Variants in AMBRA1 observed in about 807,000 individuals in gnomAD.
AMBRA1 encodes activating molecule in BECN1-regulated autophagy protein 1.
A neutral mutation model predicts 125.4 loss-of-function variants in AMBRA1; 47 were observed. The ratio of observed to expected loss-of-function variants is 0.37; its 90% CI spans 0.30 to 0.48. AMBRA1 has a LOEUF of 0.48. Among genes scored for constraint, AMBRA1 ranks in the 20% least tolerant of loss-of-function variants. The pLI, the probability that AMBRA1 is intolerant of heterozygous loss-of-function variation, is 0.99. For missense variants in AMBRA1, 1,331 were observed against 1,693.4 expected (o/e 0.79, Z 3.76); for synonymous variants, 626 against 655.5 (o/e 0.95, Z 0.69).
chr11:46,407,598 T>C (rs1946087553), intron 17 of AMBRA1, among the ~76,000 whole-genome samples: 1 of 152,232 alleles, frequency 6.6e-6, no homozygotes, highest in African/African-American at 2.4e-5. Context: ...TGGGCTGTGC[T>C]ACAGACCAAA....
intron 8 of AMBRA1, among the ~76,000 whole-genome samples, chr11:46,510,237 A>C (rs763274375): frequency 2.0e-5 from 3 of 152,240 alleles, no homozygotes; most frequent in Non-Finnish European, 4.4e-5. Flanking sequence ...AGAGTACAAG[A>C]GCTAGTTCCT....
intron 14 of AMBRA1, among the ~76,000 whole-genome samples, chr11:46,427,293 A>G (rs1947188213): frequency 6.6e-6 from 1 of 152,224 alleles, no homozygotes; most frequent in Non-Finnish European, 1.5e-5. Context: ...AGTTTTTTCT[A>G]TGGTTCATTT....
intron 1 of AMBRA1, among the ~76,000 whole-genome samples, chr11:46,556,659 G>C (rs1371486654): frequency 6.6e-6 from 1 of 152,084 alleles, no homozygotes; most frequent in Non-Finnish European, 1.5e-5. Flanking sequence ...CCTGGTATAT[G>C]ATGGTATCTT....
At chr11:46,529,581 T>A (rs921193544) in intron 7 of AMBRA1, among the ~76,000 whole-genome samples, 8 of 152,164 alleles carry the variant, frequency 5.3e-5, no homozygotes, top group Non-Finnish European at 1.0e-4. Context: ...GTACACAAAA[T>A]TGGATTTAAG....
chr11:46,483,186 A>G (rs943257256), intron 11 of AMBRA1, among the ~76,000 whole-genome samples: 3 of 152,136 alleles, frequency 2.0e-5, no homozygotes, highest in African/African-American at 4.8e-5. Context: ...CAATAGCCCT[A>G]TAACATGAGA....
At chr11:46,512,337 T>C (rs574101371) in intron 8 of AMBRA1, among the ~76,000 whole-genome samples, 86 of 152,330 alleles carry the variant, frequency 5.6e-4, no homozygotes, top group African/African-American at 1.9e-3. Flanking sequence ...GCAAATTGGG[T>C]TTTTTGTTTA....
Position 46,430,598 on chromosome 11 carries a change from C to T in AMBRA1, c.2976+2876G>A, listed in dbSNP as rs78800354. Among the ~76,000 whole-genome samples, 867 of 152,320 alleles carry T rather than the reference C, an allele frequency of 5.7e-3. 3 individuals carry two copies. The highest frequency in any genetic ancestry group is 0.01 in the Admixed American group (154 of 15,300). On this transcript the variant is annotated intron_variant, in intron 14 of 17. Transcript: ENST00000683756. ...TCAAGGCTAATAGCAATTAGCAATT[C>T]ATTTTCAGAAGAGTTTTCATATGGG...
chr11:46,523,787 G>C (rs1742552886), intron 7 of AMBRA1, among the ~76,000 whole-genome samples: 1 of 152,208 alleles, frequency 6.6e-6, no homozygotes, highest in Non-Finnish European at 1.5e-5. Context: ...AAGACCACCA[G>C]AACCAGGCAG....
At chr11:46,480,515 A>G (rs1401535853) in intron 11 of AMBRA1, among the ~76,000 whole-genome samples, 1 of 152,214 alleles carries the variant, frequency 6.6e-6, no homozygotes, top group Non-Finnish European at 1.5e-5. Flanking sequence ...GGGTTGTGCA[A>G]CCCTCATCCC....
chr11:46,483,079 G>C (rs1026145495), intron 11 of AMBRA1, among the ~76,000 whole-genome samples: 1 of 151,712 alleles, frequency 6.6e-6, no homozygotes, highest in African/African-American at 2.4e-5. Context: ...AAAGAATGTA[G>C]CCCCACAGCT....
chr11:46,560,125 G>T (rs1016341570), intron 1 of AMBRA1, among the ~76,000 whole-genome samples: 4 of 152,078 alleles, frequency 2.6e-5, no homozygotes, highest in African/African-American at 9.7e-5. Context: ...TAATTCAACA[G>T]AACTAAGATC....
At chr11:46,489,669 A>G (rs1183943203) in intron 11 of AMBRA1, among the ~76,000 whole-genome samples, 1 of 152,174 alleles carries the variant, frequency 6.6e-6, no homozygotes, top group Non-Finnish European at 1.5e-5. Flanking sequence ...ATGAAAGTCA[A>G]AAAGATTATG....
At chr11:46,550,930 C>CAA (rs1159824681) in intron 1 of AMBRA1, among the ~76,000 whole-genome samples, 8 of 64,896 alleles carry the variant, frequency 1.2e-4, no homozygotes, top group Admixed American at 3.4e-4. Flanking sequence ...ACTAAAAATA[C>CAA]AAAAAAAAAA....
Position 46,547,116 on chromosome 11 carries a change from T to C in AMBRA1, c.375A>G (p.Leu125=), listed in dbSNP as rs1487269628. The change falls in exon 4 of 18, where the codon TTA becomes TTG. Residue 125 remains leucine (L), a synonymous_variant. Transcript: ENST00000683756. ...CLDGEVRIWD[L]HGGSESWFTD... is the part of the protein sequence containing the mutation. ...GGTATCTTAAGGAAATACTCACGTG[T>C]AAATCCCAAATCCTAACCTCCCCAT... 6.3e-7 allele frequency: 1 copy of C among 1,598,484 alleles called. No individual in the cohort carries two copies. The highest frequency in any genetic ancestry group is 1.4e-5 in the African/African-American group (1 of 73,684).
chr11:46,427,097 G>A (rs1194793101), intron 14 of AMBRA1, among the ~76,000 whole-genome samples: 1 of 140,326 alleles, frequency 7.1e-6, no homozygotes, highest in Non-Finnish European at 1.5e-5. Flanking sequence ...TTCAATTCAA[G>A]GGCAGGGAAG....
At chr11:46,580,043 C>T (rs746599029) in intron 1 of AMBRA1, among the ~76,000 whole-genome samples, 1 of 152,128 alleles carries the variant, frequency 6.6e-6, no homozygotes, top group Non-Finnish European at 1.5e-5. Flanking sequence ...ATACACAGAC[C>T]ATCTCCACTT....
intron 1 of AMBRA1, among the ~76,000 whole-genome samples, chr11:46,563,929 G>A (rs1265559399): frequency 6.7e-6 from 1 of 150,372 alleles, no homozygotes; most frequent in African/African-American, 2.5e-5. Flanking sequence ...TGGATCACCT[G>A]AAGTCAGGAG....
rs544539785 is a variant in AMBRA1, at chr11:46,522,146, G to A, written c.2073-9333C>T. On this transcript the variant is annotated intron_variant, in intron 7 of 17. Transcript: ENST00000683756. ...ATGTATCTAGCATTACAAAAGTCTC[G>A]TCTGAGAAGTCAGCCAGTTCCCCCT... is the stretch of plus-strand genomic sequence containing the variant. 7.9e-5 allele frequency among the ~76,000 whole-genome samples: 12 copies of A among 152,282 alleles called. No homozygotes were observed. In the East Asian group the frequency reaches 1.5e-3, roughly 20 times the overall value.
chr11:46,500,745 T>C (rs959208000), intron 9 of AMBRA1, among the ~76,000 whole-genome samples: 1 of 152,166 alleles, frequency 6.6e-6, no homozygotes, highest in Non-Finnish European at 1.5e-5. Flanking sequence ...CTCCTCGCTA[T>C]ACCCATCACC....
Sources: gnomAD v4.1 joint callset for allele counts (sites outside exome capture counted in the v4.1 genomes callset) on GRCh38, gnomAD v4.1.1 for gene constraint, MANE v1.5 for transcripts, NCBI Gene and HGNC (gene_info 2026-07-23, HGNC 2026-07-21) for gene names.